AUTS2: variants seen among roughly 807,000 people sequenced by gnomAD.
AUTS2 encodes the protein activator of transcription and developmental regulator AUTS2.
AUTS2 carries 17 observed loss-of-function variants against 112.4 expected under a neutral mutation model. The ratio of observed to expected loss-of-function variants is 0.15; its 90% CI spans 0.10 to 0.23. AUTS2 has a LOEUF of 0.23. Among genes scored for constraint, AUTS2 ranks in the 10% least tolerant of loss-of-function variants. The pLI is 1.00. For missense variants in AUTS2, 1,510 were observed against 1,701.6 expected (o/e 0.89, Z 1.98); for synonymous variants, 751 against 702.7 (o/e 1.07, Z -1.09).
At chr7:70,014,636 G>A (rs1166893304) in intron 2 of AUTS2, among the ~76,000 whole-genome samples, 1 of 152,206 alleles carries the variant, frequency 6.6e-6, no homozygotes, top group Non-Finnish European at 1.5e-5. Context: ...TCACACATGA[G>A]TGCTTTCTCT....
At chr7:70,243,773 A>T (rs1812753658) in intron 4 of AUTS2, among the ~76,000 whole-genome samples, 2 of 152,076 alleles carry the variant, frequency 1.3e-5, no homozygotes, top group Non-Finnish European at 1.5e-5. Context: ...TAATGCTACA[A>T]ATCTTTTCTC....
intron 4 of AUTS2, among the ~76,000 whole-genome samples, chr7:70,260,979 C>A (rs777743200): frequency 2.0e-5 from 3 of 152,058 alleles, no homozygotes; most frequent in South Asian, 4.2e-4. Flanking sequence ...GATCCCCTAA[C>A]CTTGTGATCC....
rs1798500773 is a variant in AUTS2, at chr7:69,714,412, T to C, written c.309+114450T>C. Among the ~76,000 whole-genome samples the C allele has an allele frequency of 2.0e-5, 3 of 151,954 alleles. No homozygotes were observed. In the South Asian group the frequency reaches 6.2e-4, roughly 32 times the overall value. ...TATGAGCCACTACACCCAGTGTAAA[T>C]TTTTTTTCCATATAGGTATCTAATT... On this transcript the variant is annotated intron_variant, in intron 1 of 18. Coordinates refer to ENST00000342771, the MANE Select transcript of AUTS2 (RefSeq NM_015570.4).
At position 70,529,207 on chromosome 7, in the gene AUTS2, CT is replaced by C. The variant is rs749371170; in HGVS notation, c.690+93428del. On this transcript the variant is annotated intron_variant, in intron 5 of 18. Coordinates refer to ENST00000342771, the MANE Select transcript of AUTS2 (RefSeq NM_015570.4). ...CTTTGCAATTCTCTCCAAATTCTGT[CT>C]TCACCATGCTGGAAAAATGGAATAA... is the stretch of plus-strand genomic sequence containing the variant. Among the ~76,000 whole-genome samples the C allele has an allele frequency of 3.9e-5, 6 of 152,188 alleles. No individual in the cohort carries two copies. In the South Asian group the frequency reaches 6.2e-4, roughly 16 times the overall value.
chr7:69,668,237 C>A (rs1159690666), intron 1 of AUTS2, among the ~76,000 whole-genome samples: 2 of 152,138 alleles, frequency 1.3e-5, no homozygotes, highest in African/African-American at 4.8e-5. Context: ...TGTTTTGCTA[C>A]TTGGTTTTGA....
chr7:70,504,405 C>T (rs1028074555), intron 5 of AUTS2, among the ~76,000 whole-genome samples: 1 of 150,762 alleles, frequency 6.6e-6, no homozygotes, highest in Non-Finnish European at 1.5e-5. Context: ...AGCTGTCCTG[C>T]GCTGTCAGTG....
chr7:70,752,737 A>G (rs1034071358), intron 6 of AUTS2, among the ~76,000 whole-genome samples: 1 of 152,188 alleles, frequency 6.6e-6, no homozygotes, highest in Non-Finnish European at 1.5e-5. Flanking sequence ...TTGAGTTTCT[A>G]AAGACTTTTT....
intron 1 of AUTS2, among the ~76,000 whole-genome samples, chr7:69,891,863 G>A (rs1366924511): frequency 1.7e-5 from 2 of 118,418 alleles, no homozygotes; most frequent in South Asian, 2.9e-4. Flanking sequence ...ACACAATCTC[G>A]GCTCACTGCA....
chr7:70,626,497 A>C lies in AUTS2; in HGVS notation c.691-72072A>C, dbSNP rs560679204. Among the ~76,000 whole-genome samples the C allele has an allele frequency of 1.6e-4, 25 of 152,118 alleles. No homozygotes were observed. In the South Asian group the frequency reaches 5.0e-3, roughly 30 times the overall value. Reference sequence around the variant, plus strand: ...CCAGACAATGAAATATATTTTTTAAATAACTCACTTTTTAAAAAATTTCCA... The same window carrying C: ...CCAGACAATGAAATATATTTTTTAACTAACTCACTTTTTAAAAAATTTCCA... On this transcript the variant is annotated intron_variant, in intron 5 of 18. Transcript: ENST00000342771.
At chr7:69,695,460 A>C (rs1259989516) in intron 1 of AUTS2, among the ~76,000 whole-genome samples, 3 of 152,182 alleles carry the variant, frequency 2.0e-5, no homozygotes, top group Non-Finnish European at 4.4e-5. Flanking sequence ...TATAAAACAA[A>C]AAAATTATTA....
intron 4 of AUTS2, among the ~76,000 whole-genome samples, chr7:70,281,604 A>G (rs1418217799): frequency 6.6e-6 from 1 of 151,992 alleles, no homozygotes; most frequent in Non-Finnish European, 1.5e-5. Context: ...ACATACAGAG[A>G]AGAAAAATAT....
At chr7:70,247,875 GT>G (rs1400220680) in intron 4 of AUTS2, among the ~76,000 whole-genome samples, 1 of 152,046 alleles carries the variant, frequency 6.6e-6, no homozygotes, top group Non-Finnish European at 1.5e-5. Context: ...GTTTTGTTTT[GT>G]TTTTAGGTAG....
At chr7:70,572,492 C>G (rs567175469) in intron 5 of AUTS2, among the ~76,000 whole-genome samples, 5 of 135,718 alleles carry the variant, frequency 3.7e-5, no homozygotes, top group Admixed American at 7.7e-5. Flanking sequence ...AAAGGGGGGG[C>G]GAGAGTGAAA....
chr7:70,535,668 G>A (rs929199159), intron 5 of AUTS2, among the ~76,000 whole-genome samples: 1 of 152,192 alleles, frequency 6.6e-6, no homozygotes, highest in African/African-American at 2.4e-5. Context: ...ACCCGCCTCA[G>A]CTTCCCAAAG....
chr7:70,286,060 C>A (rs1429941899), intron 4 of AUTS2, among the ~76,000 whole-genome samples: 1 of 152,112 alleles, frequency 6.6e-6, no homozygotes, highest in African/African-American at 2.4e-5. Context: ...AGTCTTTAGG[C>A]AGAGAAAGCA....
At position 70,065,703 on chromosome 7, in the gene AUTS2, A is replaced by AAT. The variant is rs993689147; in HGVS notation, c.523-52418_523-52417dup. 7.9e-5 allele frequency among the ~76,000 whole-genome samples: 12 copies of AAT among 151,896 alleles called. No homozygotes were observed. In the South Asian group the frequency reaches 8.3e-4, roughly 11 times the overall value. Reference sequence around the variant, plus strand: ...CCAGAGTGAAACTCCATCTCAAAAAAATATATATATATTATTATTTTTAAT... The same window carrying AAT: ...CCAGAGTGAAACTCCATCTCAAAAAAATATATATATATATTATTATTTTTAAT... On this transcript the variant is annotated intron_variant, in intron 2 of 18. Coordinates refer to ENST00000342771, the MANE Select transcript of AUTS2 (RefSeq NM_015570.4).
chr7:70,043,910 C>T (rs1294057024), intron 2 of AUTS2, among the ~76,000 whole-genome samples: 1 of 151,940 alleles, frequency 6.6e-6, no homozygotes, highest in Admixed American at 6.6e-5. Context: ...GGCCCGGCCT[C>T]CCCTTTGCAT....
chr7:70,051,353 A>T (rs1224037597), intron 2 of AUTS2, among the ~76,000 whole-genome samples: 1 of 152,234 alleles, frequency 6.6e-6, no homozygotes. Context: ...GAAAGAAATG[A>T]GAGAACATTA....
chr7:70,611,469 G>A (rs1177192948), intron 5 of AUTS2, among the ~76,000 whole-genome samples: 1 of 152,192 alleles, frequency 6.6e-6, no homozygotes, highest in East Asian at 1.9e-4. Flanking sequence ...ATTATAGAGT[G>A]CCATGCCAGC....
Sources: allele counts gnomAD v4.1 joint callset (sites outside exome capture counted in the v4.1 genomes callset), GRCh38; gene constraint gnomAD v4.1.1; transcripts MANE v1.5; gene names NCBI Gene and HGNC (gene_info 2026-07-23, HGNC 2026-07-21).